The following SNTG1 variants were observed in gnomAD, a reference collection of about 807,000 sequenced individuals.
The protein encoded by SNTG1 is gamma-1-syntrophin.
Under a neutral mutation model 74.7 loss-of-function variants are expected in SNTG1, and 39 were observed. That is an observed-to-expected ratio of 0.52 (90% confidence interval 0.40 to 0.68). The LOEUF is 0.68. Ranked by LOEUF, SNTG1 falls within the 30% of genes least tolerant of loss-of-function variation. The pLI is 0.00. For missense variants in SNTG1, 685 were observed against 609.5 expected (o/e 1.12, Z -1.30); for synonymous variants, 254 against 217.1 (o/e 1.17, Z -1.49).
intron 1 of SNTG1, among the ~76,000 whole-genome samples, chr8:50,105,146 G>A (rs558301718): frequency 2.6e-5 from 4 of 151,980 alleles, no homozygotes; most frequent in East Asian, 1.9e-4. Context: ...TACTTTCCAG[G>A]GCTTTTATAG....
At chr8:49,950,295 A>C (rs1809589548) in intron 1 of SNTG1, among the ~76,000 whole-genome samples, 1 of 152,214 alleles carries the variant, frequency 6.6e-6, no homozygotes, top group African/African-American at 2.4e-5. Context: ...ATCATCTCAA[A>C]GTCCCATGGC....
At chr8:50,663,004 T>A (rs953733850) in intron 15 of SNTG1, among the ~76,000 whole-genome samples, 1 of 152,000 alleles carries the variant, frequency 6.6e-6, no homozygotes, top group African/African-American at 2.4e-5. Context: ...ATGAAGGAGT[T>A]TAGGAAGGGC....
chr8:50,175,113 T>C (rs553454324), intron 2 of SNTG1, among the ~76,000 whole-genome samples: 1 of 152,272 alleles, frequency 6.6e-6, no homozygotes, highest in South Asian at 2.1e-4. Flanking sequence ...AGTCTATCAT[T>C]GTTGGACATT....
At chr8:50,672,468 C>G (rs1350585509) in intron 15 of SNTG1, among the ~76,000 whole-genome samples, 1 of 151,960 alleles carries the variant, frequency 6.6e-6, no homozygotes, top group Non-Finnish European at 1.5e-5. Context: ...ATGTTTTTGG[C>G]CACATAAAAG....
At chr8:50,081,656 T>C (rs1822425345) in intron 1 of SNTG1, among the ~76,000 whole-genome samples, 1 of 152,066 alleles carries the variant, frequency 6.6e-6, no homozygotes, top group East Asian at 1.9e-4. Flanking sequence ...ATTTTTTAGA[T>C]GGAGTCTCTC....
At chr8:50,634,358 G>C (rs113115232) in intron 13 of SNTG1, among the ~76,000 whole-genome samples, 1 of 152,124 alleles carries the variant, frequency 6.6e-6, no homozygotes, top group Admixed American at 6.5e-5. Flanking sequence ...TCATGCATCC[G>C]GATGCCCTCT....
At chr8:50,477,007 A>G (rs965030370) in intron 8 of SNTG1, among the ~76,000 whole-genome samples, 4 of 152,178 alleles carry the variant, frequency 2.6e-5, no homozygotes, top group Non-Finnish European at 4.4e-5. Flanking sequence ...ATCAGGTAAT[A>G]TTGGATTTTA....
intron 11 of SNTG1, among the ~76,000 whole-genome samples, chr8:50,551,137 T>C (rs1034854714): frequency 1.9e-4 from 29 of 152,138 alleles, no homozygotes; most frequent in African/African-American, 7.0e-4. Context: ...AATTTACTAA[T>C]AACCTTCTTT....
intron 2 of SNTG1, among the ~76,000 whole-genome samples, chr8:50,299,842 T>TA (rs1266800962): frequency 6.6e-6 from 1 of 152,110 alleles, no homozygotes; most frequent in Non-Finnish European, 1.5e-5. Flanking sequence ...AGTAAGATCT[T>TA]ACGTCTACAA....
At chr8:50,684,756 CTTTATCT>C (rs1351869943) in intron 15 of SNTG1, among the ~76,000 whole-genome samples, 1 of 120,024 alleles carries the variant, frequency 8.3e-6, no homozygotes, top group Non-Finnish European at 1.8e-5. Flanking sequence ...TTTTATTATA[CTTTATCT>C]TTTAGGGTAC....
chr8:50,368,605 C>T lies in SNTG1; in HGVS notation c.-27-25607C>T, dbSNP rs76953029. 2.4e-3 allele frequency among the ~76,000 whole-genome samples: 366 copies of T among 152,090 alleles called. 2 individuals are homozygous for T. Among genetic ancestry groups the T allele is most frequent in the East Asian group, 0.013 (68 of 5,150 alleles). ...GGATTACACCATCAAAGATCCGGCC[C>T]GTTTGAACTGAAGAGGATAGGGGGA... On this transcript the variant is annotated intron_variant, in intron 2 of 18. Transcript: ENST00000642720.
intron 17 of SNTG1, among the ~76,000 whole-genome samples, chr8:50,734,618 TCTCTCTCTTTCG>T (rs1417197770): frequency 6.7e-6 from 1 of 149,608 alleles, no homozygotes; most frequent in Non-Finnish European, 1.5e-5. Context: ...TGGCACTTTC[TCTCTCTCTTTCG>T]CTCTCTCATC....
intron 2 of SNTG1, among the ~76,000 whole-genome samples, chr8:50,228,486 A>C (rs2085455375): frequency 6.6e-6 from 1 of 151,964 alleles, no homozygotes; most frequent in Non-Finnish European, 1.5e-5. Flanking sequence ...GGAATATTTA[A>C]ATTGTTGAAA....
chr8:50,223,205 CAG>C (rs1297586209), intron 2 of SNTG1, among the ~76,000 whole-genome samples: 1 of 151,956 alleles, frequency 6.6e-6, no homozygotes, highest in Non-Finnish European at 1.5e-5. Context: ...TCTGGGGTAA[CAG>C]AACTGTTCTG....
chr8:50,660,503 AGAAG>A (rs2095216854), intron 15 of SNTG1, among the ~76,000 whole-genome samples: 1 of 136,386 alleles, frequency 7.3e-6, no homozygotes, highest in African/African-American at 2.7e-5. Context: ...AGAAGGAAGG[AGAAG>A]GAAGGGAGGG....
chr8:50,487,697 G>A (rs1370463244), intron 8 of SNTG1, among the ~76,000 whole-genome samples: 1 of 24,976 alleles, frequency 4.0e-5, no homozygotes, highest in African/African-American at 5.9e-5. Flanking sequence ...TGGGGTCGGA[G>A]GGGGGGGAGG....
intron 1 of SNTG1, among the ~76,000 whole-genome samples, chr8:50,030,283 T>A (rs1817633638): frequency 6.6e-6 from 1 of 152,106 alleles, no homozygotes; most frequent in Non-Finnish European, 1.5e-5. Flanking sequence ...AAATATTTTG[T>A]CCCATTCTGT....
At chr8:49,913,733 T>TATC (rs1805777525) in intron 1 of SNTG1, among the ~76,000 whole-genome samples, 1 of 152,228 alleles carries the variant, frequency 6.6e-6, no homozygotes, top group South Asian at 2.1e-4. Flanking sequence ...GAAGTGAAAT[T>TATC]ATCACATGGA....
chr8:50,278,859 G>A (rs943490925), intron 2 of SNTG1, among the ~76,000 whole-genome samples: 4 of 152,096 alleles, frequency 2.6e-5, no homozygotes, highest in African/African-American at 9.6e-5. Flanking sequence ...TCATGTCTAA[G>A]AGAGCAGTTT....
Sources: allele counts gnomAD v4.1 joint callset (sites outside exome capture counted in the v4.1 genomes callset), GRCh38; gene constraint gnomAD v4.1.1; transcripts MANE v1.5; gene names NCBI Gene and HGNC (gene_info 2026-07-23, HGNC 2026-07-21).